RCC2: variants seen among roughly 807,000 people sequenced by gnomAD.
The protein encoded by RCC2 is protein RCC2.
Under a neutral mutation model 64.1 loss-of-function variants are expected in RCC2, and 19 were observed. The ratio of observed to expected loss-of-function variants is 0.30; its 90% confidence interval spans 0.21 to 0.44. RCC2 has a LOEUF of 0.44. RCC2 is among the 20% of genes least tolerant of loss of function. RCC2 has a pLI of 1.00. For synonymous variants in RCC2, 325 were observed against 279.6 expected (o/e 1.16, Z -1.62); for missense variants, 508 against 710.4 (o/e 0.72, Z 3.24).
At chr1:17,417,918 AAAC>A (rs2075506677) in intron 7 of RCC2, among the ~76,000 whole-genome samples, 1 of 152,204 alleles carries the variant, frequency 6.6e-6, no homozygotes, top group Non-Finnish European at 1.5e-5. Context: ...AAGATAATAC[AAAC>A]AATACAAGTA....
At chr1:17,435,918 CAAA>C (rs57932179) in intron 2 of RCC2, among the ~76,000 whole-genome samples, 20 of 88,232 alleles carry the variant, frequency 2.3e-4, no homozygotes, top group Admixed American at 3.5e-4. Context: ...AACTCCAGCT[CAAA>C]AAAAAAAAAA....
chr1:17,412,404 C>T (rs2075437099), intron 10 of RCC2, among the ~76,000 whole-genome samples: 1 of 152,224 alleles, frequency 6.6e-6, no homozygotes, highest in South Asian at 2.1e-4. Flanking sequence ...CAACAAAGCC[C>T]TTAGACAGGC....
At chr1:17,431,740 A>C (rs910096884) in intron 2 of RCC2, among the ~76,000 whole-genome samples, 3 of 151,668 alleles carry the variant, frequency 2.0e-5, no homozygotes, top group Non-Finnish European at 4.4e-5. Flanking sequence ...TGCCCACTCC[A>C]CCACATTATG....
At chr1:17,430,407 C>T (rs904005829) in intron 2 of RCC2, among the ~76,000 whole-genome samples, 13 of 150,624 alleles carry the variant, frequency 8.6e-5, no homozygotes, top group Non-Finnish European at 2.9e-5. Context: ...GGGAGGATTG[C>T]TTGAGCTGAG....
chr1:17,416,584 C>T lies in RCC2; in HGVS notation c.922G>A (p.Val308Ile). 1 of 1,614,112 alleles carries T rather than the reference C, an allele frequency of 6.2e-7. No individual in the cohort carries two copies. Among genetic ancestry groups the T allele is most frequent in the Non-Finnish European group, 8.5e-7 (1 of 1,180,060 alleles). Residue 308 changes from valine (V) to isoleucine (I), a missense_variant, in exon 8 of 13, where the codon GTT becomes ATT. Around this residue, in one of 4 missense-constraint regions of RCC2, gnomAD observed 179 missense variants for 322.0 expected, o/e 0.56. Coordinates refer to ENST00000375436, the MANE Select transcript of RCC2 (RefSeq NM_018715.4). ...AQRIEYDCEL[V>I]PRRVAIFIEK... ...ATGAAGATGGCCACTCGCCGGGGAA[C>T]TAGTTCACAGTCGTACTCTATCCGC...
intron 1 of RCC2, among the ~76,000 whole-genome samples, chr1:17,439,292 C>A (rs575854923): frequency 6.6e-6 from 1 of 151,506 alleles, no homozygotes; most frequent in East Asian, 2.0e-4. Flanking sequence ...CCAGGGCCGC[C>A]GCCAGCTCCC....
chr1:17,429,188 C>G lies in RCC2; in HGVS notation c.297G>C (p.Gly99=). 6.2e-7 allele frequency: 1 copy of G among 1,614,066 alleles called. No individual in the cohort carries two copies. Among genetic ancestry groups the G allele is most frequent in the Non-Finnish European group, 8.5e-7 (1 of 1,179,926 alleles). The part of the protein sequence containing the change: ...EHTKERVKLE[G]SKCKGQLLIF... ...TCAAAAGCTGCCCTTTGCACTTTGA[C>G]CCTTCAAGTTTCTGCAGAGACAGAG... is the stretch of plus-strand genomic sequence containing the variant. The change falls in exon 3 of 13, where the codon GGG becomes GGC. Residue 99 remains glycine, a synonymous_variant. Coordinates refer to ENST00000375436, the MANE Select transcript of RCC2 (RefSeq NM_018715.4).
At position 17,416,560 on chromosome 1, in the gene RCC2, T is replaced by C. The variant is rs1403979434; in HGVS notation, c.946A>G (p.Ile316Val). ...ELVPRRVAIF[I>V]EKTKDGQILP... ...ATCTGTCCATCTTTCGTCTTCTCAA[T>C]GAAGATGGCCACTCGCCGGGGAACT... Residue 316 changes from isoleucine (I) to valine (V), a missense_variant, in exon 8 of 13, where the codon ATT becomes GTT. Coordinates refer to ENST00000375436, the MANE Select transcript of RCC2 (RefSeq NM_018715.4). 6.2e-7 allele frequency: 1 copy of C among 1,614,080 alleles called. No homozygotes were observed. The highest frequency in any genetic ancestry group is 1.1e-5 in the South Asian group (1 of 91,066).
intron 2 of RCC2, among the ~76,000 whole-genome samples, chr1:17,432,024 G>T (rs963518795): frequency 6.6e-6 from 1 of 151,370 alleles, no homozygotes; most frequent in Admixed American, 6.6e-5. Context: ...GGAGGCAGAG[G>T]TTGCAGCGAG....
intron 3 of RCC2, 146 bp from the exon 4 acceptor site, chr1:17,425,830 G>GCA (rs1409840339): frequency 5.1e-6 from 4 of 783,336 alleles, no homozygotes; most frequent in Admixed American, 5.7e-5. Flanking sequence ...TTGGGAGGCT[G>GCA]CACAAGGATC....
chr1:17,422,681 A>C, intron 5 of RCC2, 24 bp downstream of exon 5: 1 of 1,610,898 alleles, frequency 6.2e-7, no homozygotes, highest in Non-Finnish European at 8.5e-7. Flanking sequence ...AACTGAGAGG[A>C]GACACCAGCA....
intron 3 of RCC2, among the ~76,000 whole-genome samples, chr1:17,428,052 A>T (rs543328957): frequency 3.9e-5 from 6 of 152,174 alleles, no homozygotes; most frequent in Admixed American, 3.9e-4. Flanking sequence ...GAGGCAACAG[A>T]GTTAACTAGA....
rs144492036 is a variant in RCC2, at chr1:17,438,284, C to T, written c.231G>A (p.Lys77=). Reference sequence around the variant, plus strand: ...TGATGACCACGGCCGCGCCGCCCGCCTTGCCTGCTGTCGCCGGCCGCGCCG... The same window carrying T: ...TGATGACCACGGCCGCGCCGCCCGCTTTGCCTGCTGTCGCCGGCCGCGCCG... ...KRAARPATAG[K]AGGAAVVITE... is the part of the protein sequence containing the mutation. Residue 77 remains lysine (K), a synonymous_variant, in exon 2 of 13, where the codon AAG becomes AAA. Transcript: ENST00000375436. 6,697 of 1,299,850 alleles carry T rather than the reference C, an allele frequency of 5.2e-3. 322 individuals are homozygous for T. The African/African-American group carries it at 0.092, about 18-fold the overall frequency. 80.5% of individuals were successfully genotyped at this position (1,299,850 alleles called of 1,614,324 possible).
intron 4 of RCC2, among the ~76,000 whole-genome samples, chr1:17,424,468 C>T (rs745816914): frequency 5.9e-5 from 9 of 152,160 alleles, no homozygotes; most frequent in East Asian, 3.9e-4. Context: ...GGGGAAGGGA[C>T]ACACATCTAT....
intron 7 of RCC2, among the ~76,000 whole-genome samples, chr1:17,417,738 C>T (rs1288493197): frequency 1.3e-5 from 2 of 151,964 alleles, no homozygotes; most frequent in Admixed American, 6.5e-5. Context: ...TAGCCCCCGG[C>T]TTGTGGCTAA....
chr1:17,434,663 C>T (rs953118457), intron 2 of RCC2, among the ~76,000 whole-genome samples: 2 of 152,164 alleles, frequency 1.3e-5, no homozygotes, highest in African/African-American at 4.8e-5. Flanking sequence ...GGTGGAAGGA[C>T]AGTCTTGGGG....
intron 6 of RCC2, 31 bp downstream of exon 6, chr1:17,422,172 A>C (rs2075563065): frequency 1.3e-6 from 2 of 1,481,956 alleles, no homozygotes; most frequent in South Asian, 2.5e-5. Flanking sequence ...AGAAACAAAA[A>C]GCCATGGAGC....
At chr1:17,435,234 A>C (rs1210811718) in intron 2 of RCC2, among the ~76,000 whole-genome samples, 1 of 152,244 alleles carries the variant, frequency 6.6e-6, no homozygotes, top group African/African-American at 2.4e-5. Flanking sequence ...ATGTTCTATA[A>C]AATGCACATC....
At chr1:17,436,924 G>A (rs944140876) in intron 2 of RCC2, among the ~76,000 whole-genome samples, 2 of 152,182 alleles carry the variant, frequency 1.3e-5, no homozygotes, top group Admixed American at 6.5e-5. Flanking sequence ...TTTGGCCATT[G>A]TCTAGTCTAG....
Sources: gnomAD v4.1 joint callset for allele counts (sites outside exome capture counted in the v4.1 genomes callset) on GRCh38, gnomAD v4.1.1 for gene constraint, gnomAD v4.1.1 regional missense constraint, MANE v1.5 for transcripts, NCBI Gene and HGNC (gene_info 2026-07-23, HGNC 2026-07-21) for gene names.